NR4A1: variants seen among roughly 807,000 people sequenced by gnomAD.
NR4A1 encodes the protein nuclear receptor subfamily 4 group A member 1.
Under a neutral mutation model 47.5 loss-of-function variants are expected in NR4A1, and 24 were observed. The observed-to-expected ratio is 0.50, with a 90% CI of 0.37 to 0.71. NR4A1 has a LOEUF of 0.71. Ranked by LOEUF, NR4A1 falls within the 30% of genes least tolerant of loss-of-function variation. NR4A1 has a pLI of 0.00. For synonymous variants in NR4A1, 353 were observed against 345.7 expected (o/e 1.02, Z -0.24); for missense variants, 669 against 788.6 (o/e 0.85, Z 1.82).
chr12:52,037,397 AC>A, intron 1 of NR4A1: 1 of 980,696 alleles, frequency 1.0e-6, no homozygotes, highest in Non-Finnish European at 1.2e-6. Flanking sequence ...CTGGTGCGCG[AC>A]CCCGGAAAGC....
intron 1 of NR4A1, chr12:52,053,990 CA>C: frequency 3.8e-6 from 1 of 261,832 alleles, no homozygotes. Flanking sequence ...GGGGGAGGGG[CA>C]GGGGGCTGGA....
At chr12:52,037,575 G>C (rs969368230) in intron 1 of NR4A1, 2 of 982,952 alleles carry the variant, frequency 2.0e-6, no homozygotes. Flanking sequence ...TCGGGGGGGG[G>C]ACTGGATTCC....
chr12:52,041,861 C>T (rs760325317), exon 2 of NR4A1: 1 of 1,524,622 alleles, frequency 6.6e-7, no homozygotes, highest in South Asian at 1.3e-5. Flanking sequence ...CAGCCTGGCT[C>T]CTTCTGCTGG....
At chr12:52,037,739 G>C in intron 1 of NR4A1, 1 of 985,526 alleles carries the variant, frequency 1.0e-6, no homozygotes, top group African/African-American at 1.7e-5. Flanking sequence ...GCGGGAACCG[G>C]TTCCAGGAGC....
rs1263808636 is a variant in NR4A1 at position 52,029,308 on chromosome 12, G to T, written c.-84+6369G>T. 4.6e-5 allele frequency among the ~76,000 whole-genome samples: 7 copies of T among 152,326 alleles called. No homozygotes were observed. The South Asian group carries it at 1.5e-3, about 32-fold the overall frequency. ...AAGACCCTGCCTGTGCCCAGACCCT[G>T]CCCATGACTTTGCACCCTCCTTGTG... On this transcript the variant is annotated intron_variant, in intron 1 of 7. Transcript: ENST00000360284.
chr12:52,046,009 C>T (rs1280142058), intron 2 of NR4A1, among the ~76,000 whole-genome samples: 1 of 152,180 alleles, frequency 6.6e-6, no homozygotes, highest in Non-Finnish European at 1.5e-5. Flanking sequence ...AGGGGAAGCT[C>T]CCAGGGCCAC....
intron 1 of NR4A1, among the ~76,000 whole-genome samples, chr12:52,027,825 C>T (rs1281170121): frequency 6.6e-6 from 1 of 152,214 alleles, no homozygotes; most frequent in Non-Finnish European, 1.5e-5. Context: ...GGCACATACA[C>T]CCTTACTTCT....
At chr12:52,055,450 G>A (rs1220810073) in intron 2 of NR4A1, 1 of 600,968 alleles carries the variant, frequency 1.7e-6, no homozygotes, top group Non-Finnish European at 2.9e-6. Context: ...TGAGATAGGG[G>A]CAGATAGGAG....
In NR4A1 at chr12:52,056,690, A is replaced by G. The variant is rs973097762; in HGVS notation, c.1158+45A>G. Reference sequence around the variant, plus strand: ...CTGCCTTGGGGAGGTCTATGAGCACATGCAGTGCCTTTGTGCGTGTTAGGA... The same window carrying G: ...CTGCCTTGGGGAGGTCTATGAGCACGTGCAGTGCCTTTGTGCGTGTTAGGA... On this transcript the variant is annotated intron_variant, in intron 4 of 6. Coordinates refer to ENST00000394825, the MANE Select transcript of NR4A1 (RefSeq NM_173157.3). 7 of 1,399,670 alleles carry G rather than the reference A, an allele frequency of 5.0e-6. No homozygotes were observed. The African/African-American group carries it at 5.9e-5, about 12-fold the overall frequency. 86.7% of individuals were successfully genotyped at this position (1,399,670 alleles called of 1,614,324 possible). A position where few individuals can be genotyped will look rare whatever the true frequency, so the allele number is the denominator to read the frequency against.
chr12:52,046,515 C>T (rs980935161), upstream of NR4A1, among the ~76,000 whole-genome samples: 4 of 152,180 alleles, frequency 2.6e-5, no homozygotes, highest in Non-Finnish European at 4.4e-5. Context: ...TGAGATATTG[C>T]ATTCCCTGCT....
At position 52,055,028 on chromosome 12, in the gene NR4A1, G is replaced by T; in HGVS notation, c.700G>T (p.Ala234Ser). Residue 234 changes from alanine to serine, a missense_variant, in exon 2 of 7, where the codon GCA becomes TCA. Coordinates refer to ENST00000394825, the MANE Select transcript of NR4A1 (RefSeq NM_173157.3). ...CATGCCTACGGCCTTCCCAGGTTTGGCACCCACTTCTCCACACCTTGAGGG... is the reference window on the plus strand; with the variant it reads ...CATGCCTACGGCCTTCCCAGGTTTGTCACCCACTTCTCCACACCTTGAGGG... ...YSMPTAFPGLAPTSPHLEGSG... is the reference protein window; with the variant it reads ...YSMPTAFPGLSPTSPHLEGSG... 1.9e-6 allele frequency: 3 copies of T among 1,614,224 alleles called. No individual in the cohort carries two copies. Among genetic ancestry groups the T allele is most frequent in the Non-Finnish European group, 2.5e-6 (3 of 1,180,044 alleles).
Position 52,037,475 on chromosome 12 carries a change from C to T in NR4A1, c.-83-4335C>T, listed in dbSNP as rs1197749700. The T allele has an allele frequency of 3.1e-6, 3 of 983,408 alleles. No homozygotes were observed. In the African/African-American group the frequency reaches 5.3e-5, roughly 17 times the overall value. 60.9% of individuals were successfully genotyped at this position (983,408 alleles called of 1,614,324 possible). The stretch of plus-strand genomic sequence containing the variant: ...GGCTGCCGGGGTGGCGGGAGGTGGG[C>T]CCCGGAGAGGCCGGGCAATCTCGGG... On this transcript the variant is annotated intron_variant, in intron 1 of 7. Transcript: ENST00000360284.
At chr12:52,046,681 G>T (rs1315358004), upstream of NR4A1, among the ~76,000 whole-genome samples, 1 of 152,078 alleles carries the variant, frequency 6.6e-6, no homozygotes, top group African/African-American at 2.4e-5. Flanking sequence ...TTCAGGCGTG[G>T]CTATTTTAAA....
intron 2 of NR4A1, among the ~76,000 whole-genome samples, chr12:52,046,367 A>C (rs1156361209): frequency 6.6e-6 from 1 of 152,136 alleles, no homozygotes; most frequent in Non-Finnish European, 1.5e-5. Flanking sequence ...CATGTTGTTC[A>C]CATACTGGTC....
chr12:52,029,686 T>TGAAAAAA (rs1938076097), intron 1 of NR4A1, among the ~76,000 whole-genome samples: 1 of 26,434 alleles, frequency 3.8e-5, no homozygotes, highest in Non-Finnish European at 8.3e-5. Flanking sequence ...AGACCCTGTC[T>TGAAAAAA]CAAAAAACAA....
chr12:52,044,008 C>T (rs1227354800), intron 2 of NR4A1: 9 of 1,112,348 alleles, frequency 8.1e-6, no homozygotes, highest in East Asian at 5.9e-5. Flanking sequence ...CCTTGGGCTG[C>T]GGGGAGGAAG....
chr12:52,045,737 C>CCT (rs1938609450), intron 2 of NR4A1, among the ~76,000 whole-genome samples: 1 of 152,236 alleles, frequency 6.6e-6, no homozygotes, highest in Non-Finnish European at 1.5e-5. Flanking sequence ...AGGAGTGCGG[C>CCT]CACTAGCTGA....
intron 2 of NR4A1, 133 bp from the exon 3 acceptor site, chr12:52,055,897 G>T: frequency 2.1e-6 from 1 of 465,222 alleles, no homozygotes; most frequent in Non-Finnish European, 3.7e-6. Flanking sequence ...CCACCCAAAT[G>T]TTAGAAAAAT....
chr12:52,048,579 G>C (rs968098150), upstream of NR4A1, among the ~76,000 whole-genome samples: 3 of 152,194 alleles, frequency 2.0e-5, no homozygotes, highest in Non-Finnish European at 4.4e-5. Context: ...GGGTGACAGA[G>C]CGAGACTCCG....
Sources: allele counts gnomAD v4.1 joint callset (sites outside exome capture counted in the v4.1 genomes callset), GRCh38; gene constraint gnomAD v4.1.1; transcripts MANE v1.5; gene names NCBI Gene and HGNC (gene_info 2026-07-23, HGNC 2026-07-21).